CCNL1: variants seen among roughly 807,000 people sequenced by gnomAD.
CCNL1 encodes cyclin L1.
In CCNL1, 13 loss-of-function variants were observed where a neutral mutation model predicts 60.6. The observed-to-expected ratio is 0.21, with a 90% CI of 0.14 to 0.34. The LOEUF is 0.34. Ranked by LOEUF, CCNL1 falls within the 10% of genes least tolerant of loss-of-function variation. The pLI, the probability that CCNL1 is intolerant of heterozygous loss-of-function variation, is 1.00. For synonymous variants in CCNL1, 270 were observed against 244.3 expected (o/e 1.10, Z -0.98); for missense variants, 481 against 664.3 (o/e 0.72, Z 3.03).
chr3:157,151,094 G>A, intron 5 of CCNL1: 7 of 984,592 alleles, frequency 7.1e-6, no homozygotes, highest in Non-Finnish European at 8.4e-6. Flanking sequence ...GAAATTAAAT[G>A]GACTATTTCT....
In CCNL1 at chr3:157,147,699, T is replaced by C. The variant is rs1382586927; in HGVS notation, c.*542A>G. On this transcript the variant is annotated 3_prime_UTR_variant, in exon 11 of 11. Transcript: ENST00000295926. ...TTAATAATCTCAAACTACCATCTAA[T>C]GGAGGAAAGAATAAGTTTGTCAGAA... 19 of 985,138 alleles carry C rather than the reference T, an allele frequency of 1.9e-5. No individual in the cohort carries two copies. Among genetic ancestry groups the C allele is most frequent in the African/African-American group, 3.5e-5 (2 of 57,232 alleles). 61.0% of individuals were successfully genotyped at this position (985,138 alleles called of 1,614,324 possible). A position where few individuals can be genotyped will look rare whatever the true frequency, so the allele number is the denominator to read the frequency against.
At position 157,152,204 on chromosome 3, in the gene CCNL1, C is replaced by T. The variant is rs1303103069; in HGVS notation, c.647G>A (p.Arg216His). 1 of 1,612,202 alleles carries T rather than the reference C, an allele frequency of 6.2e-7. No homozygotes were observed. The highest frequency in any genetic ancestry group is 8.5e-7 in the Non-Finnish European group (1 of 1,179,302). The change falls in exon 5 of 11, where the codon CGT becomes CAT. Residue 216 changes from arginine to histidine, a missense_variant. Physicochemically the swap from Arg to His is conservative, Grantham distance 29. Transcript: ENST00000295926. The stretch of plus-strand genomic sequence containing the variant: ...GGCAGTTTGAACCAGGGTTTGATTA[C>T]GTTCACATTCTAAGACTTGTAAATA... ...VMYLQVLECE[R>H]NQTLVQTAWN...
intron 5 of CCNL1, 128 bp from the exon 6 acceptor site, chr3:157,150,509 T>C (rs1435742926): frequency 7.0e-7 from 1 of 1,429,958 alleles, no homozygotes; most frequent in Non-Finnish European, 9.2e-7. Flanking sequence ...CCTCATATTC[T>C]AGCATATAAC....
In CCNL1 at chr3:157,154,933, T is replaced by TACATAC. The variant is rs1553850934; in HGVS notation, c.489-1778_489-1777insGTATGT. On this transcript the variant is annotated intron_variant, in intron 3 of 10. Transcript: ENST00000295926. ...AACAACCTATCTCTCTCTCCATATATATACATACATACATACATACATACA... is the reference window on the plus strand; with the variant it reads ...AACAACCTATCTCTCTCTCCATATATACATACATACATACATACATACATACATACA... Among the ~76,000 whole-genome samples, 1,113 of 147,880 alleles carry TACATAC rather than the reference T, an allele frequency of 7.5e-3. 10 individuals are homozygous for TACATAC. The highest frequency in any genetic ancestry group is 0.028 in the African/African-American group (1,061 of 38,188).
chr3:157,158,674 TAACCGG>T, intron 3 of CCNL1, 186 bp downstream of exon 3: 1 of 465,728 alleles, frequency 2.1e-6, no homozygotes, highest in Non-Finnish European at 3.8e-6. Context: ...AAACTTTAGA[TAACCGG>T]TTAATTATGT....
At chr3:157,158,796 TTTTGA>T in intron 3 of CCNL1, 65 bp downstream of exon 3, 1 of 969,938 alleles carries the variant, frequency 1.0e-6, no homozygotes. Flanking sequence ...AGGAAAGATG[TTTTGA>T]TTTGATGACT....
Position 157,160,118 on chromosome 3 carries a change from C to T in CCNL1, c.-24G>A, listed in dbSNP as rs557902872. 3.9e-6 allele frequency: 6 copies of T among 1,529,234 alleles called. No individual in the cohort carries two copies. In the East Asian group the frequency reaches 9.8e-5, roughly 25 times the overall value. 94.7% of individuals were successfully genotyped at this position (1,529,234 alleles called of 1,614,324 possible). On this transcript the variant is annotated 5_prime_UTR_variant, in exon 1 of 11. Coordinates refer to ENST00000295926, the MANE Select transcript of CCNL1 (RefSeq NM_020307.4). Reference sequence around the variant, plus strand: ...ATAGTCTTAGCGAGCCGCACGCAAGCCCAACGCAGCCGGAACCCGAAACAA... The same window carrying T: ...ATAGTCTTAGCGAGCCGCACGCAAGTCCAACGCAGCCGGAACCCGAAACAA...
intron 3 of CCNL1, among the ~76,000 whole-genome samples, chr3:157,155,508 T>C (rs1159946731): frequency 6.6e-6 from 1 of 152,204 alleles, no homozygotes; most frequent in African/African-American, 2.4e-5. Context: ...ACTTCTTGCT[T>C]AATCCTGCTA....
downstream of CCNL1, chr3:157,146,609 T>TAAAA: frequency 1.9e-4 from 53 of 276,036 alleles, no homozygotes; most frequent in South Asian, 3.3e-4. Flanking sequence ...ACCTCGTCTC[T>TAAAA]AAAAAAAAAA....
At chr3:157,154,095 T>A (rs887998537) in intron 3 of CCNL1, 2 of 152,238 alleles carry the variant, frequency 1.3e-5, no homozygotes, top group Non-Finnish European at 2.9e-5. Flanking sequence ...AGAAGGCTTA[T>A]GTCAGTGGTT....
chr3:157,159,561 G>C, intron 1 of CCNL1, 82 bp from the exon 2 acceptor site: 4 of 1,340,958 alleles, frequency 3.0e-6, no homozygotes, highest in Non-Finnish European at 3.1e-6. Context: ...GCCGCCGATC[G>C]CTTCCCTTTC....
Position 157,149,269 on chromosome 3 carries a change from A to G in CCNL1, c.1232+18T>C. 4 of 1,576,932 alleles carry G rather than the reference A, an allele frequency of 2.5e-6. No homozygotes were observed. Among genetic ancestry groups the G allele is most frequent in the Non-Finnish European group, 3.5e-6 (4 of 1,146,638 alleles). Reference sequence around the variant, plus strand: ...AAACTCCAAATAAGACTGCTTCCCTAAGAAAACATTTACTTACTGTCTTCT... The same window carrying G: ...AAACTCCAAATAAGACTGCTTCCCTGAGAAAACATTTACTTACTGTCTTCT... On this transcript the variant is annotated intron_variant, in intron 10 of 10. Transcript: ENST00000295926.
chr3:157,155,164 T>C (rs1738519092), intron 3 of CCNL1, among the ~76,000 whole-genome samples: 2 of 152,126 alleles, frequency 1.3e-5, no homozygotes, highest in African/African-American at 4.8e-5. Flanking sequence ...TCTTAACCCC[T>C]TGCAATCCAG....
At chr3:157,152,472 A>G in intron 4 of CCNL1, 1 of 1,227,362 alleles carries the variant, frequency 8.1e-7, no homozygotes, top group Admixed American at 4.2e-5. Context: ...AGGCAATTAA[A>G]AGAATATTTT....
intron 1 of CCNL1, 124 bp downstream of exon 1, chr3:157,159,667 GC>G: frequency 3.7e-6 from 4 of 1,085,186 alleles, no homozygotes; most frequent in Middle Eastern, 3.2e-4. Flanking sequence ...CCGCGGCTGG[GC>G]CCCGAACGGG....
rs759146265 is a variant in CCNL1, at chr3:157,159,392, C to T, written c.378+13G>A. 3.1e-6 allele frequency: 5 copies of T among 1,613,664 alleles called. No individual in the cohort carries two copies. Among genetic ancestry groups the T allele is most frequent in the South Asian group, 2.2e-5 (2 of 91,058 alleles). ...ATGAAGAAATCCCTTTTACCCGCCT[C>T]CGCTGTGCTTACCTCGAAACTGTGT... On this transcript the variant is annotated intron_variant, in intron 2 of 10. Transcript: ENST00000295926.
At position 157,149,617 on chromosome 3, in the gene CCNL1, A is replaced by G. The variant is rs373281851; in HGVS notation, c.1022-21T>C. ...TGATGCTTTTAAAAGATATAATAAC[A>G]ACATGTTAACTACTGGATTTAACAG... is the stretch of plus-strand genomic sequence containing the variant. On this transcript the variant is annotated intron_variant, in intron 8 of 10. Transcript: ENST00000295926. 111 of 1,597,054 alleles carry G rather than the reference A, an allele frequency of 7.0e-5. No homozygotes were observed. In the Middle Eastern group the frequency reaches 1.0e-3, roughly 14 times the overall value.
At position 157,148,464 on chromosome 3, in the gene CCNL1, G is replaced by T. The variant is rs746220067; in HGVS notation, c.1358C>A (p.Thr453Asn). Residue 453 changes from threonine (T) to asparagine (N), a missense_variant, in exon 11 of 11, where the codon ACC becomes AAC. Coordinates refer to ENST00000295926, the MANE Select transcript of CCNL1 (RefSeq NM_020307.4). Reference protein sequence around the residue: ...HGSPHLKAKHTRDDLKSSNRH... With the variant: ...HGSPHLKAKHNRDDLKSSNRH... ...GTTTGAACTTTTTAAATCATCTCTG[G>T]TATGCTTGGCCTTAAGGTGAGGAGA... 51 of 1,613,912 alleles carry T rather than the reference G, an allele frequency of 3.2e-5. No individual in the cohort carries two copies. The highest frequency in any genetic ancestry group is 4.2e-5 in the Non-Finnish European group (49 of 1,180,020).
At chr3:157,156,866 C>T in intron 3 of CCNL1, 1 of 1,212,946 alleles carries the variant, frequency 8.2e-7, no homozygotes, top group Non-Finnish European at 1.1e-6. Context: ...GTTCTAATAA[C>T]TTGGACAGCA....
Sources: allele counts gnomAD v4.1 joint callset (sites outside exome capture counted in the v4.1 genomes callset), GRCh38; gene constraint gnomAD v4.1.1; transcripts MANE v1.5; gene names NCBI Gene and HGNC (gene_info 2026-07-23, HGNC 2026-07-21).